The following CPS1 variants were observed in gnomAD, a reference collection of about 807,000 sequenced individuals.
CPS1 encodes carbamoyl-phosphate synthase [ammonia], mitochondrial.
In CPS1, 109 loss-of-function variants were observed where a neutral mutation model predicts 174.6. That is an observed-to-expected ratio of 0.62 (90% CI 0.53 to 0.73). The LOEUF is 0.73. Ranked by LOEUF, CPS1 falls within the 30% of genes least tolerant of loss-of-function variation. The pLI, the probability that CPS1 is intolerant of heterozygous loss-of-function variation, is 0.00. For synonymous variants in CPS1, 637 were observed against 632.0 expected (o/e 1.01, Z -0.12); for missense variants, 1,689 against 1,821.9 (o/e 0.93, Z 1.33).
At position 210,641,551 on chromosome 2, in the gene CPS1, A is replaced by G. The variant is rs114798794; in HGVS notation, c.2960-933A>G. Among the ~76,000 whole-genome samples, 1,472 of 152,308 alleles carry G rather than the reference A, an allele frequency of 9.7e-3. 14 individuals are homozygous for G. Among genetic ancestry groups the G allele is most frequent in the Non-Finnish European group, 0.016 (1,056 of 68,026 alleles). On this transcript the variant is annotated intron_variant, in intron 24 of 37. Coordinates refer to ENST00000233072, the MANE Select transcript of CPS1 (RefSeq NM_001875.5). Reference sequence around the variant, plus strand: ...CTAAGTGTTCTAACACATGGATTTCAGGAGACACGTTCAGGCCATGGCAGT... The same window carrying G: ...CTAAGTGTTCTAACACATGGATTTCGGGAGACACGTTCAGGCCATGGCAGT...
intron 34 of CPS1, chr2:210,674,431 T>G (rs980470787): frequency 2.0e-5 from 3 of 153,404 alleles, no homozygotes; most frequent in Non-Finnish European, 2.8e-5. Context: ...ATCGTGCCAT[T>G]GCACTCCAGC....
At chr2:210,484,452 A>G (rs141340321) in intron 1 of CPS1, among the ~76,000 whole-genome samples, 136 of 152,302 alleles carry the variant, frequency 8.9e-4, no homozygotes, top group African/African-American at 3.2e-3. Context: ...AAACTGGCCA[A>G]TTGTCCCATA....
At chr2:210,509,668 C>T (rs1027707808) in intron 1 of CPS1, among the ~76,000 whole-genome samples, 13 of 152,152 alleles carry the variant, frequency 8.5e-5, no homozygotes, top group Non-Finnish European at 1.9e-4. Flanking sequence ...AGCTGATAGG[C>T]AACTTCAGCA....
chr2:210,627,660 T>A (rs992810442), intron 21 of CPS1, among the ~76,000 whole-genome samples: 2 of 152,148 alleles, frequency 1.3e-5, no homozygotes, highest in Non-Finnish European at 2.9e-5. Context: ...GAGAGCACTC[T>A]CTCTCTAGAA....
At chr2:210,624,638 T>A (rs1436126391) in intron 21 of CPS1, among the ~76,000 whole-genome samples, 1 of 152,110 alleles carries the variant, frequency 6.6e-6, no homozygotes, top group African/African-American at 2.4e-5. Context: ...TTTAAAGTAA[T>A]AATTTATTGA....
chr2:210,595,639 G>A, intron 13 of CPS1, 57 bp downstream of exon 13: 1 of 1,176,840 alleles, frequency 8.5e-7, no homozygotes, highest in Middle Eastern at 2.0e-4. Flanking sequence ...AGTCTAATTA[G>A]TATTTTATAA....
chr2:210,478,951 C>CTCCG (rs1373547414), intron 1 of CPS1, among the ~76,000 whole-genome samples: 1 of 135,564 alleles, frequency 7.4e-6, no homozygotes, highest in Non-Finnish European at 1.6e-5. Context: ...CCCTCCCTCC[C>CTCCG]TCCCTGCTTT....
intron 34 of CPS1, chr2:210,672,742 G>A (rs1487093641): frequency 6.6e-6 from 1 of 151,880 alleles, no homozygotes; most frequent in Non-Finnish European, 1.5e-5. Flanking sequence ...TACTTTCCTG[G>A]GCATGGTTAA....
intron 8 of CPS1, 122 bp from the exon 9 acceptor site, chr2:210,590,678 T>G: frequency 1.4e-6 from 1 of 732,596 alleles, no homozygotes; most frequent in Non-Finnish European, 2.4e-6. Flanking sequence ...TATATTCTTC[T>G]TTAATTCAGT....
At chr2:210,568,713 C>T (rs1440422073) in intron 1 of CPS1, among the ~76,000 whole-genome samples, 1 of 151,978 alleles carries the variant, frequency 6.6e-6, no homozygotes, top group Non-Finnish European at 1.5e-5. Context: ...GAGGTTGAGA[C>T]TCCAAGAAAC....
At chr2:210,612,061 A>G in intron 19 of CPS1, 56 bp from the exon 20 acceptor site, 2 of 1,505,808 alleles carry the variant, frequency 1.3e-6, no homozygotes, top group East Asian at 2.3e-5. Context: ...TTCAGTTACA[A>G]ATTAAAGATA....
intron 21 of CPS1, among the ~76,000 whole-genome samples, chr2:210,622,228 C>T (rs747528348): frequency 2.6e-5 from 4 of 151,496 alleles, no homozygotes; most frequent in Non-Finnish European, 5.9e-5. Context: ...TATATACCTA[C>T]ATACTTAAAT....
At chr2:210,511,528 A>G (rs1299885536) in intron 1 of CPS1, among the ~76,000 whole-genome samples, 1 of 122,230 alleles carries the variant, frequency 8.2e-6, no homozygotes, top group African/African-American at 2.5e-5. Flanking sequence ...AACTTAAATT[A>G]TAATAATAAA....
intron 1 of CPS1, among the ~76,000 whole-genome samples, chr2:210,481,143 G>A (rs1694559050): frequency 6.6e-6 from 1 of 152,152 alleles, no homozygotes; most frequent in Non-Finnish European, 1.5e-5. Flanking sequence ...GTTTCCTTGG[G>A]AGATTAAAAA....
In CPS1 at chr2:210,653,772, C is replaced by A. The variant is rs148268875; in HGVS notation, c.3481-253C>A. Among the ~76,000 whole-genome samples the A allele has an allele frequency of 4.1e-3, 622 of 152,296 alleles. 5 individuals are homozygous for A. Among genetic ancestry groups the A allele is most frequent in the African/African-American group, 0.014 (587 of 41,556 alleles). Reference sequence around the variant, plus strand: ...TCTCTAATTGACCTGGATGCCTATACTTGAGGATTCAGAACTCATGGTCAG... The same window carrying A: ...TCTCTAATTGACCTGGATGCCTATAATTGAGGATTCAGAACTCATGGTCAG... On this transcript the variant is annotated intron_variant, in intron 28 of 37. Coordinates refer to ENST00000233072, the MANE Select transcript of CPS1 (RefSeq NM_001875.5).
upstream of CPS1, among the ~76,000 whole-genome samples, chr2:210,552,402 G>A (rs766414341): frequency 6.6e-6 from 1 of 151,764 alleles, no homozygotes; most frequent in Non-Finnish European, 1.5e-5. Flanking sequence ...TAAGCACACA[G>A]CAATCCATTC....
At position 210,582,741 on chromosome 2, in the gene CPS1, T is replaced by C. The variant is rs781747089; in HGVS notation, c.621+32T>C. Reference sequence around the variant, plus strand: ...GGTTTTCCTTTATATTTTGTAGTTTTATTTGATCCCATTTAGACCTTCTTG... The same window carrying C: ...GGTTTTCCTTTATATTTTGTAGTTTCATTTGATCCCATTTAGACCTTCTTG... On this transcript the variant is annotated intron_variant, in intron 6 of 37. Coordinates refer to ENST00000233072, the MANE Select transcript of CPS1 (RefSeq NM_001875.5). 7 of 1,498,082 alleles carry C rather than the reference T, an allele frequency of 4.7e-6. No individual in the cohort carries two copies. In the Admixed American group the frequency reaches 5.0e-5, roughly 11 times the overall value. 92.8% of individuals were successfully genotyped at this position (1,498,082 alleles called of 1,614,324 possible). A position where few individuals can be genotyped will look rare whatever the true frequency, so the allele number is the denominator to read the frequency against.
chr2:210,674,674 G>C, intron 34 of CPS1: 3 of 566,116 alleles, frequency 5.3e-6, no homozygotes, highest in South Asian at 4.1e-5. Context: ...TAAGAACAAG[G>C]TGAAAAGCAG....
chr2:210,674,250 G>A (rs1483166241), intron 34 of CPS1: 2 of 152,156 alleles, frequency 1.3e-5, no homozygotes, highest in African/African-American at 2.4e-5. Flanking sequence ...GAGGTGGGTG[G>A]ATCACCTGAG....
Sources: gnomAD v4.1 joint callset for allele counts (sites outside exome capture counted in the v4.1 genomes callset) on GRCh38, gnomAD v4.1.1 for gene constraint, MANE v1.5 for transcripts, NCBI Gene and HGNC (gene_info 2026-07-23, HGNC 2026-07-21) for gene names.